The following APBB1IP variants were observed in gnomAD, a reference collection of about 807,000 sequenced individuals.
APBB1IP encodes amyloid beta precursor protein binding family B member 1 interacting protein.
APBB1IP carries 27 observed loss-of-function variants against 64.9 expected under a neutral mutation model. That is an observed-to-expected ratio of 0.42 (90% CI 0.31 to 0.57). The LOEUF (loss-of-function observed/expected upper bound fraction) is 0.57, where lower values mean the gene tolerates loss of function less well. APBB1IP is among the 20% of genes least tolerant of loss of function. The pLI is 0.20. For missense variants in APBB1IP, 812 were observed against 845.5 expected (o/e 0.96, Z 0.49); for synonymous variants, 392 against 331.0 (o/e 1.18, Z -2.00).
At chr10:26,540,419 A>G (rs977204249) in intron 10 of APBB1IP, among the ~76,000 whole-genome samples, 1 of 152,180 alleles carries the variant, frequency 6.6e-6, no homozygotes, top group Non-Finnish European at 1.5e-5. Context: ...ATAGAATACT[A>G]CCAAACTATT....
At chr10:26,463,528 G>T (rs1197604221) in intron 2 of APBB1IP, among the ~76,000 whole-genome samples, 4 of 152,146 alleles carry the variant, frequency 2.6e-5, no homozygotes, top group Non-Finnish European at 5.9e-5. Context: ...ATGCTTGGCT[G>T]GTTGGATGGG....
chr10:26,520,653 A>G (rs1476190363), intron 8 of APBB1IP, among the ~76,000 whole-genome samples: 1 of 152,220 alleles, frequency 6.6e-6, no homozygotes, highest in African/African-American at 2.4e-5. Flanking sequence ...CATAATTGCT[A>G]GGCATCCATT....
rs530509421 is a variant in APBB1IP, at chr10:26,490,463, A to G, written c.1-1864A>G. ...AACATGGCGAAACCCCGTCTCTACT[A>G]AAAATACAAAAATTAACCAGGTGTG... On this transcript the variant is annotated intron_variant, in intron 2 of 14. Coordinates refer to ENST00000376236, the MANE Select transcript of APBB1IP (RefSeq NM_019043.4). Among the ~76,000 whole-genome samples, 44 of 152,182 alleles carry G rather than the reference A, an allele frequency of 2.9e-4. 1 individual carries two copies. The highest frequency in any genetic ancestry group is 1.0e-3 in the African/African-American group (43 of 41,508).
intron 2 of APBB1IP, among the ~76,000 whole-genome samples, chr10:26,454,040 G>A (rs751410231): frequency 3.3e-5 from 5 of 152,176 alleles, no homozygotes; most frequent in Admixed American, 6.5e-5. Flanking sequence ...GAAAAAGAAT[G>A]TTATCTTGTC....
chr10:26,538,291 T>C (rs1255960233), intron 10 of APBB1IP, among the ~76,000 whole-genome samples: 3 of 152,160 alleles, frequency 2.0e-5, no homozygotes, highest in Admixed American at 6.6e-5. Context: ...CAGATTCATA[T>C]GGCATAAAAT....
intron 2 of APBB1IP, among the ~76,000 whole-genome samples, chr10:26,478,456 C>A (rs529859258): frequency 6.6e-6 from 1 of 152,090 alleles, no homozygotes; most frequent in Non-Finnish European, 1.5e-5. Flanking sequence ...GAGGCCAAGG[C>A]AGGTGGTTCA....
chr10:26,567,554 A>C lies in APBB1IP; in HGVS notation c.*66A>C. The C allele has an allele frequency of 6.7e-7, 1 of 1,497,890 alleles. No individual in the cohort carries two copies. Among genetic ancestry groups the C allele is most frequent in the Non-Finnish European group, 9.0e-7 (1 of 1,105,980 alleles). 92.8% of individuals were successfully genotyped at this position (1,497,890 alleles called of 1,614,324 possible). On this transcript the variant is annotated 3_prime_UTR_variant, in exon 15 of 15. Transcript: ENST00000376236. ...GACCCCGAGCGCAGGTTTTGCTAGC[A>C]GATTGCCCTGACATCTTGTTCATTT...
intron 3 of APBB1IP, among the ~76,000 whole-genome samples, chr10:26,492,661 C>T (rs1835970372): frequency 6.6e-6 from 1 of 152,094 alleles, no homozygotes; most frequent in South Asian, 2.1e-4. Context: ...TACCCCCAAG[C>T]CATAAAACCA....
At chr10:26,515,022 A>C (rs1327585426) in intron 8 of APBB1IP, among the ~76,000 whole-genome samples, 3 of 146,844 alleles carry the variant, frequency 2.0e-5, no homozygotes, top group Non-Finnish European at 4.5e-5. Flanking sequence ...CAGGCGCATG[A>C]CACCACCCCC....
At chr10:26,454,502 T>TAAAA (rs1462931663) in intron 2 of APBB1IP, among the ~76,000 whole-genome samples, 1 of 150,630 alleles carries the variant, frequency 6.6e-6, no homozygotes, top group Non-Finnish European at 1.5e-5. Flanking sequence ...AATAAATAAA[T>TAAAA]AAAAAATAAA....
chr10:26,469,484 C>A (rs1835690865), intron 2 of APBB1IP, among the ~76,000 whole-genome samples: 1 of 152,108 alleles, frequency 6.6e-6, no homozygotes, highest in African/African-American at 2.4e-5. Flanking sequence ...CTCCCAACCT[C>A]ATGTGATCCA....
intron 10 of APBB1IP, among the ~76,000 whole-genome samples, chr10:26,536,517 G>T (rs1836625340): frequency 2.0e-5 from 3 of 150,474 alleles, no homozygotes; most frequent in African/African-American, 7.3e-5. Context: ...TACCCCTGTT[G>T]TTCTATTGTC....
chr10:26,506,260 G>GGT (rs1836177214), intron 6 of APBB1IP, among the ~76,000 whole-genome samples: 4 of 135,576 alleles, frequency 3.0e-5, no homozygotes, highest in African/African-American at 5.5e-5. Context: ...TGGGGGGGGG[G>GGT]GGTGGGGGGC....
At chr10:26,491,700 A>AAAGCAGG (rs1835956492) in intron 2 of APBB1IP, among the ~76,000 whole-genome samples, 2 of 150,360 alleles carry the variant, frequency 1.3e-5, no homozygotes, top group South Asian at 4.3e-4. Context: ...ATATCTTTTG[A>AAAGCAGG]AAGCAGGGAA....
chr10:26,449,749 C>T (rs1472941302), intron 2 of APBB1IP, among the ~76,000 whole-genome samples: 1 of 152,140 alleles, frequency 6.6e-6, no homozygotes, highest in African/African-American at 2.4e-5. Flanking sequence ...GTGGTTTATG[C>T]CTGTAAACGC....
chr10:26,549,634 T>C (rs1045735164), intron 11 of APBB1IP, among the ~76,000 whole-genome samples: 6 of 152,068 alleles, frequency 3.9e-5, no homozygotes, highest in Non-Finnish European at 7.4e-5. Context: ...TATGATCTTT[T>C]GTATTTCTGT....
At chr10:26,531,529 C>T (rs1446757805) in intron 8 of APBB1IP, among the ~76,000 whole-genome samples, 2 of 151,352 alleles carry the variant, frequency 1.3e-5, no homozygotes, top group Non-Finnish European at 2.9e-5. Flanking sequence ...TAGCCGGGCG[C>T]GATGGCGGGC....
intron 9 of APBB1IP, 68 bp from the exon 10 acceptor site, chr10:26,536,006 T>C: frequency 6.7e-7 from 1 of 1,490,780 alleles, no homozygotes; most frequent in Non-Finnish European, 9.0e-7. Flanking sequence ...TGTAAGTTTT[T>C]AAATGTGAAT....
In APBB1IP at chr10:26,567,198, C is replaced by A; in HGVS notation, c.1711C>A (p.Pro571Thr). Residue 571 changes from proline (P) to threonine (T), a missense_variant, in exon 15 of 15, where the codon CCG becomes ACG. Transcript: ENST00000376236. ...CCTCGATGACCCTGAGCTCCCGCCG[C>A]CGCCCCCGGACTTCATGGAGCCGCC... ...PPLDDPELPP[P>T]PPDFMEPPPD... 1 of 1,396,666 alleles carries A rather than the reference C, an allele frequency of 7.2e-7. No homozygotes were observed. The highest frequency in any genetic ancestry group is 9.3e-7 in the Non-Finnish European group (1 of 1,079,072). 86.5% of individuals were successfully genotyped at this position (1,396,666 alleles called of 1,614,324 possible). A position where few individuals can be genotyped will look rare whatever the true frequency, so the allele number is the denominator to read the frequency against.
Sources: allele counts gnomAD v4.1 joint callset (sites outside exome capture counted in the v4.1 genomes callset), GRCh38; gene constraint gnomAD v4.1.1; transcripts MANE v1.5; gene names NCBI Gene and HGNC (gene_info 2026-07-23, HGNC 2026-07-21).